The following SLC15A5 variants were observed in gnomAD, a reference collection of about 807,000 sequenced individuals.
SLC15A5 encodes the protein Peptide/histidine transporter ENSP00000340402.
In SLC15A5, 58 loss-of-function variants were observed where a neutral mutation model predicts 56.1. The observed-to-expected ratio is 1.03, with a 90% confidence interval of 0.84 to 1.29. The LOEUF is 1.29. Among genes scored for constraint, SLC15A5 ranks in the 50% most tolerant of loss-of-function variants. The pLI, the probability that SLC15A5 is intolerant of heterozygous loss-of-function variation, is 0.00. For missense variants in SLC15A5, 681 were observed against 672.1 expected, an observed-to-expected ratio of 1.01 and a Z score of -0.15; for synonymous variants, 264 against 250.5, an observed-to-expected ratio of 1.05 and a Z score of -0.51.
At chr12:16,274,625 C>T (rs1591664491) in intron 1 of SLC15A5, among the ~76,000 whole-genome samples, 1 of 152,148 alleles carries the variant, frequency 6.6e-6, no homozygotes, top group East Asian at 1.9e-4. Flanking sequence ...TTGAAATGTT[C>T]CCTTTTAAGG....
At chr12:16,261,751 G>A (rs1441562941) in intron 2 of SLC15A5, among the ~76,000 whole-genome samples, 1 of 152,170 alleles carries the variant, frequency 6.6e-6, no homozygotes, top group Non-Finnish European at 1.5e-5. Flanking sequence ...TACTACATGT[G>A]TACTGGTATA....
rs118147134 is a variant in SLC15A5, at chr12:16,219,634, G to C, written c.1352-2610C>G. Reference sequence around the variant, plus strand: ...TTAATCTCTCTTTGGTGTCATTTTAGTCGTTTTTGAAAACCTCCAGTTCCC... The same window carrying C: ...TTAATCTCTCTTTGGTGTCATTTTACTCGTTTTTGAAAACCTCCAGTTCCC... On this transcript the variant is annotated intron_variant, in intron 6 of 8. Coordinates refer to ENST00000344941, the MANE Select transcript of SLC15A5 (RefSeq NM_001170798.1). Among the ~76,000 whole-genome samples, 218 of 152,222 alleles carry C rather than the reference G, an allele frequency of 1.4e-3. 6 individuals carry two copies. In the East Asian group the frequency reaches 0.026, roughly 19 times the overall value.
At chr12:16,204,868 A>G (rs1274181442) in intron 7 of SLC15A5, among the ~76,000 whole-genome samples, 2 of 152,170 alleles carry the variant, frequency 1.3e-5, no homozygotes, top group East Asian at 1.9e-4. Flanking sequence ...AAATTAGTCC[A>G]AAATGGGAAA....
At chr12:16,213,267 C>G (rs1692220805) in intron 7 of SLC15A5, among the ~76,000 whole-genome samples, 2 of 152,114 alleles carry the variant, frequency 1.3e-5, no homozygotes, top group Non-Finnish European at 1.5e-5. Flanking sequence ...TTACTGAACA[C>G]TTACTATGCA....
chr12:16,213,006 G>A (rs1864098040), intron 7 of SLC15A5, among the ~76,000 whole-genome samples: 1 of 152,072 alleles, frequency 6.6e-6, no homozygotes, highest in Non-Finnish European at 1.5e-5. Flanking sequence ...GAGAAAGTCA[G>A]CAAAATCTCT....
chr12:16,250,213 G>C (rs1864506353), intron 3 of SLC15A5, among the ~76,000 whole-genome samples: 1 of 151,954 alleles, frequency 6.6e-6, no homozygotes, highest in Non-Finnish European at 1.5e-5. Flanking sequence ...AACAAACACT[G>C]ATTGAACACT....
In SLC15A5 at chr12:16,249,297, A is replaced by C. The variant is rs181632061; in HGVS notation, c.755-4497T>G. Among the ~76,000 whole-genome samples the C allele has an allele frequency of 5.3e-4, 80 of 152,192 alleles. 1 individual carries two copies. In the East Asian group the frequency reaches 0.011, roughly 22 times the overall value. ...GTAGCATATAAAAAATCATTTCTTTAAGGTCACCTGTGGCTTTGAATTACA... is the reference window on the plus strand; with the variant it reads ...GTAGCATATAAAAAATCATTTCTTTCAGGTCACCTGTGGCTTTGAATTACA... On this transcript the variant is annotated intron_variant, in intron 3 of 8. Coordinates refer to ENST00000344941, the MANE Select transcript of SLC15A5 (RefSeq NM_001170798.1).
chr12:16,213,986 G>A (rs1864107301), intron 7 of SLC15A5, among the ~76,000 whole-genome samples: 1 of 152,156 alleles, frequency 6.6e-6, no homozygotes. Flanking sequence ...TACATCTGTG[G>A]ATTTCTACAA....
At position 16,259,901 on chromosome 12, in the gene SLC15A5, C is replaced by CG. The variant is rs3078523; in HGVS notation, c.585-2032dup. Among the ~76,000 whole-genome samples the CG allele has an allele frequency of 4.4e-4, 65 of 148,804 alleles. 1 individual carries two copies. The highest frequency in any genetic ancestry group is 1.1e-3 in the South Asian group (5 of 4,732). On this transcript the variant is annotated intron_variant, in intron 2 of 8. Coordinates refer to ENST00000344941, the MANE Select transcript of SLC15A5 (RefSeq NM_001170798.1). Reference sequence around the variant, plus strand: ...CTGTACCCAGCTGACACCACCCGGGCGGGGGGTAAGTTAGAGCACTTCCAG... The same window carrying CG: ...CTGTACCCAGCTGACACCACCCGGGCGGGGGGGTAAGTTAGAGCACTTCCAG...
intron 5 of SLC15A5, among the ~76,000 whole-genome samples, chr12:16,225,404 C>T (rs1480355493): frequency 6.6e-6 from 1 of 152,182 alleles, no homozygotes; most frequent in African/African-American, 2.4e-5. Flanking sequence ...GCAAGGACTT[C>T]ATGTCTAAAA....
In SLC15A5 at chr12:16,277,322, C is replaced by T. The variant is rs1352180858; in HGVS notation, c.361+3G>A. The T allele has an allele frequency of 2.6e-6, 4 of 1,514,888 alleles. No individual in the cohort carries two copies. Among genetic ancestry groups the T allele is most frequent in the Non-Finnish European group, 1.8e-6 (2 of 1,134,966 alleles). The allele number at this position is 1,514,888 out of a possible 1,614,324, so 93.8% of individuals were successfully genotyped here. On this transcript the variant is annotated splice_donor_region_variant and intron_variant, in intron 1 of 8. Transcript: ENST00000344941. The stretch of plus-strand genomic sequence containing the variant: ...AACAATCCAGTCAGCAGAGGACACT[C>T]ACCTAGAAAATGTAGAAACAAGCAA...
At chr12:16,211,670 G>C (rs1367078376) in intron 7 of SLC15A5, among the ~76,000 whole-genome samples, 1 of 152,166 alleles carries the variant, frequency 6.6e-6, no homozygotes, top group Admixed American at 6.5e-5. Context: ...GTCGAAATAA[G>C]CAGTCTGACT....
At chr12:16,273,924 T>G (rs1371733426) in intron 1 of SLC15A5, among the ~76,000 whole-genome samples, 1 of 149,014 alleles carries the variant, frequency 6.7e-6, no homozygotes, top group East Asian at 1.9e-4. Context: ...TTTAAAAATA[T>G]TTATATTTTA....
At chr12:16,236,655 A>T (rs1460790631) in intron 5 of SLC15A5, among the ~76,000 whole-genome samples, 1 of 152,200 alleles carries the variant, frequency 6.6e-6, no homozygotes, top group Non-Finnish European at 1.5e-5. Flanking sequence ...GTGATTTTGC[A>T]TGTAAAACAT....
rs1396356848 is a variant in SLC15A5, at chr12:16,237,846, CT to C, written c.1162+1834del. ...AATATGATTTTACTCCTATTTTGTC[CT>C]GCATGCATTATGTTTCAATCATGGA... On this transcript the variant is annotated intron_variant, in intron 5 of 8. Coordinates refer to ENST00000344941, the MANE Select transcript of SLC15A5 (RefSeq NM_001170798.1). The surrounding 1 kb of genome is among the most constrained non-coding windows in gnomAD (Gnocchi z 4.1). 2.6e-5 allele frequency among the ~76,000 whole-genome samples: 4 copies of C among 152,112 alleles called. No individual in the cohort carries two copies. Among genetic ancestry groups the C allele is most frequent in the African/African-American group, 7.2e-5 (3 of 41,432 alleles).
chr12:16,207,858 G>C (rs945761454), intron 7 of SLC15A5, among the ~76,000 whole-genome samples: 2 of 151,956 alleles, frequency 1.3e-5, no homozygotes, highest in African/African-American at 4.8e-5. Flanking sequence ...TCACCATGTT[G>C]GCCAGGCTGG....
chr12:16,209,910 T>G (rs1318867263), intron 7 of SLC15A5, among the ~76,000 whole-genome samples: 1 of 152,194 alleles, frequency 6.6e-6, no homozygotes, highest in East Asian at 1.9e-4. Context: ...CATAATGATC[T>G]TCCCCAAACA....
Position 16,244,748 on chromosome 12 carries a change from G to C in SLC15A5, c.807C>G (p.Cys269Trp). 1 of 1,537,716 alleles carries C rather than the reference G, an allele frequency of 6.5e-7. No homozygotes were observed. The highest frequency in any genetic ancestry group is 8.7e-7 in the Non-Finnish European group (1 of 1,147,012). The change falls in exon 4 of 9, where the codon TGC becomes TGG. Residue 269 changes from cysteine to tryptophan, a missense_variant. Transcript: ENST00000344941. ...VGVLVSALKT[C>W]HPQYCHLGRD... is the part of the protein sequence containing the mutation. ...TGCCAAGATGGCAGTATTGCGGGTGGCATGTTTTCAGTGCACTAACCAACA... is the reference window on the plus strand; with the variant it reads ...TGCCAAGATGGCAGTATTGCGGGTGCCATGTTTTCAGTGCACTAACCAACA...
intron 7 of SLC15A5, among the ~76,000 whole-genome samples, chr12:16,214,962 T>C (rs568985053): frequency 1.8e-4 from 27 of 152,062 alleles, no homozygotes; most frequent in Admixed American, 1.7e-3. Flanking sequence ...CCCAGCACTT[T>C]GGGAGGCCGA....
Sources: allele counts gnomAD v4.1 joint callset (sites outside exome capture counted in the v4.1 genomes callset), GRCh38; gene constraint gnomAD v4.1.1; non-coding constraint Gnocchi (gnomAD v3.1); transcripts MANE v1.5; gene names NCBI Gene and HGNC (gene_info 2026-07-23, HGNC 2026-07-21).